SH3GL2: variants seen among roughly 807,000 people sequenced by gnomAD.
SH3GL2 encodes the protein SH3 domain containing GRB2 like 2, endophilin A1.
Under a neutral mutation model 46.0 loss-of-function variants are expected in SH3GL2, and 24 were observed. The ratio of observed to expected loss-of-function variants is 0.52; its 90% CI spans 0.38 to 0.73. The LOEUF (loss-of-function observed/expected upper bound fraction) is 0.73, where lower values mean the gene tolerates loss of function less well. Ranked by LOEUF, SH3GL2 falls within the 30% of genes least tolerant of loss-of-function variation. The pLI is 0.00. For missense variants in SH3GL2, 413 were observed against 424.2 expected (o/e 0.97, Z 0.23); for synonymous variants, 196 against 147.1 (o/e 1.33, Z -2.40).
At chr9:17,683,360 C>G (rs1398655859) in intron 1 of SH3GL2, among the ~76,000 whole-genome samples, 1 of 152,034 alleles carries the variant, frequency 6.6e-6, no homozygotes, top group Non-Finnish European at 1.5e-5. Context: ...ATGAAGCCCT[C>G]TGGATCCTTC....
chr9:17,683,076 G>A (rs1211134461), intron 1 of SH3GL2, among the ~76,000 whole-genome samples: 1 of 152,126 alleles, frequency 6.6e-6, no homozygotes, highest in East Asian at 1.9e-4. Context: ...AAAGGTATGA[G>A]TTTCCAAGTA....
chr9:17,718,324 A>C (rs969470780), intron 1 of SH3GL2, among the ~76,000 whole-genome samples: 43 of 152,160 alleles, frequency 2.8e-4, no homozygotes, highest in Non-Finnish European at 5.4e-4. Context: ...TATGAAAAAC[A>C]AAATTAAGAA....
At chr9:17,740,474 TTG>T (rs1269659403) in intron 1 of SH3GL2, among the ~76,000 whole-genome samples, 3 of 150,894 alleles carry the variant, frequency 2.0e-5, no homozygotes, top group Admixed American at 1.3e-4. Context: ...AAGTATTGTA[TTG>T]TATTGTATTG....
chr9:17,585,271 G>C (rs904678259), intron 1 of SH3GL2, among the ~76,000 whole-genome samples: 3 of 152,168 alleles, frequency 2.0e-5, no homozygotes, highest in African/African-American at 7.2e-5. Context: ...TTTAAGAACT[G>C]CTTCAAACTT....
chr9:17,593,928 A>G (rs1473535914), intron 1 of SH3GL2, among the ~76,000 whole-genome samples: 1 of 151,464 alleles, frequency 6.6e-6, no homozygotes, highest in African/African-American at 2.4e-5. Context: ...ACTTGATCTC[A>G]ACTTCTTCCT....
intron 1 of SH3GL2, among the ~76,000 whole-genome samples, chr9:17,613,055 G>C (rs544990588): frequency 1.3e-5 from 2 of 152,044 alleles, no homozygotes; most frequent in African/African-American, 4.8e-5. Flanking sequence ...AGTTTATTTT[G>C]AGCAAGAATA....
chr9:17,613,219 A>G (rs1818909423), intron 1 of SH3GL2, among the ~76,000 whole-genome samples: 1 of 152,332 alleles, frequency 6.6e-6, no homozygotes, highest in South Asian at 2.1e-4. Flanking sequence ...ACAGTGAGAT[A>G]GTAGAAGTAT....
At chr9:17,739,849 G>T (rs898608027) in intron 1 of SH3GL2, among the ~76,000 whole-genome samples, 1 of 152,022 alleles carries the variant, frequency 6.6e-6, no homozygotes, top group African/African-American at 2.4e-5. Context: ...GGGAAATGGG[G>T]CTGAGAAAGT....
At chr9:17,624,920 T>G (rs919471813) in intron 1 of SH3GL2, among the ~76,000 whole-genome samples, 7 of 152,120 alleles carry the variant, frequency 4.6e-5, no homozygotes, top group African/African-American at 1.7e-4. Context: ...AATGTTGGGG[T>G]ACTGAGGAAG....
At chr9:17,791,455 C>T in intron 7 of SH3GL2, 121 bp downstream of exon 7, 1 of 701,472 alleles carries the variant, frequency 1.4e-6, no homozygotes, top group Non-Finnish European at 2.5e-6. Flanking sequence ...GCTTATCCTA[C>T]AGAGGCGCCT....
At position 17,760,412 on chromosome 9, in the gene SH3GL2, A is replaced by T. The variant is rs1441812876; in HGVS notation, c.115-1025A>T. ...AGGAGGCTTACTTTATGCAAGGCTG[A>T]TATTATATACCGGTATATATTATAT... On this transcript the variant is annotated intron_variant, in intron 2 of 8. Transcript: ENST00000380607. 7.2e-5 allele frequency among the ~76,000 whole-genome samples: 11 copies of T among 152,094 alleles called. No homozygotes were observed. In the East Asian group the frequency reaches 2.1e-3, roughly 29 times the overall value.
At chr9:17,718,312 G>A (rs16935925) in intron 1 of SH3GL2, among the ~76,000 whole-genome samples, 14,640 of 152,098 alleles carry the variant, frequency 0.096, 2,326 homozygotes, top group African/African-American at 0.33. Context: ...CATTGCCAAC[G>A]ATATGAAAAA....
At chr9:17,592,106 A>G (rs1435318560) in intron 1 of SH3GL2, among the ~76,000 whole-genome samples, 1 of 152,204 alleles carries the variant, frequency 6.6e-6, no homozygotes, top group African/African-American at 2.4e-5. Context: ...ATACAGTCCA[A>G]GTCCAAAGGC....
chr9:17,745,743 C>A (rs1242510903), intron 1 of SH3GL2, among the ~76,000 whole-genome samples: 1 of 152,068 alleles, frequency 6.6e-6, no homozygotes, highest in Admixed American at 6.6e-5. Flanking sequence ...AGCAGGGTAT[C>A]CAGGGGCCCT....
chr9:17,730,147 C>T lies in SH3GL2; in HGVS notation c.46-16919C>T, dbSNP rs532427673. On this transcript the variant is annotated intron_variant, in intron 1 of 8. Transcript: ENST00000380607. ...CCTCTCTTATTTCCTTGAGCAGTGT[C>T]ATGTACTTCTCTTTGAAGAGGTCCT... Among the ~76,000 whole-genome samples, 54 of 152,018 alleles carry T rather than the reference C, an allele frequency of 3.6e-4. No homozygotes were observed. The East Asian group carries it at 4.6e-3, about 13-fold the overall frequency.
At chr9:17,587,468 G>T (rs1818400606) in intron 1 of SH3GL2, among the ~76,000 whole-genome samples, 1 of 152,132 alleles carries the variant, frequency 6.6e-6, no homozygotes, top group South Asian at 2.1e-4. Context: ...GCCCTCTTTG[G>T]GAACGGCATA....
At chr9:17,640,419 T>C (rs985875370) in intron 1 of SH3GL2, among the ~76,000 whole-genome samples, 4 of 152,196 alleles carry the variant, frequency 2.6e-5, no homozygotes, top group African/African-American at 9.7e-5. Context: ...CCAAGGGCAT[T>C]ATTTCTACTA....
intron 1 of SH3GL2, among the ~76,000 whole-genome samples, chr9:17,617,181 T>C (rs1049896728): frequency 4.6e-5 from 7 of 152,226 alleles, no homozygotes; most frequent in African/African-American, 1.7e-4. Context: ...TGTTGTATTA[T>C]TATGCCATGA....
intron 1 of SH3GL2, among the ~76,000 whole-genome samples, chr9:17,711,724 T>A (rs529390438): frequency 2.9e-4 from 44 of 151,956 alleles, no homozygotes; most frequent in African/African-American, 9.9e-4. Flanking sequence ...TGTTGATGGA[T>A]GTTGGGTTGT....
Sources: allele counts gnomAD v4.1 joint callset (sites outside exome capture counted in the v4.1 genomes callset), GRCh38; gene constraint gnomAD v4.1.1; transcripts MANE v1.5; gene names NCBI Gene and HGNC (gene_info 2026-07-23, HGNC 2026-07-21).